CCDC83: variants seen among roughly 807,000 people sequenced by gnomAD.
CCDC83 encodes the protein coiled-coil domain containing 83, also known as coiled-coil domain-containing protein 83.
Under a neutral mutation model 50.1 loss-of-function variants are expected in CCDC83, and 54 were observed. The observed-to-expected ratio is 1.08, with a 90% CI of 0.87 to 1.35. CCDC83 has a LOEUF of 1.35. Among genes scored for constraint, CCDC83 ranks in the 40% most tolerant of loss-of-function variants. The pLI is 0.00. For synonymous variants in CCDC83, 161 were observed against 153.3 expected (o/e 1.05, Z -0.37); for missense variants, 518 against 473.9 (o/e 1.09, Z -0.86).
chr11:85,860,996 GAA>G (rs895822207), intron 1 of CCDC83, among the ~76,000 whole-genome samples: 5 of 99,082 alleles, frequency 5.0e-5, no homozygotes, highest in Admixed American at 9.2e-5. Flanking sequence ...AAATTGTGGG[GAA>G]AAAAAAAAGT....
chr11:85,901,350 A>C (rs973653358), intron 7 of CCDC83, among the ~76,000 whole-genome samples: 1 of 152,118 alleles, frequency 6.6e-6, no homozygotes, highest in Admixed American at 6.5e-5. Context: ...ATGCAGGAGG[A>C]TTGCTTTAGC....
In CCDC83 at chr11:85,911,319, T is replaced by G. The variant is rs1203821833; in HGVS notation, c.711T>G (p.Asn237Lys). The stretch of plus-strand genomic sequence containing the variant: ...GGAAGGAAGTTGAAGAATTAAAAAA[T>G]GCTATTCATGAACTGGAAGCAGAAA... ...IHRKEVEELK[N>K]AIHELEAENL... The change falls in exon 8 of 11, where the codon AAT (asparagine) becomes AAG (lysine). Residue 237 changes from asparagine (N) to lysine (K), a missense_variant. Physicochemically the swap from Asn to Lys is moderately conservative, Grantham distance 94 (BLOSUM62 0). Coordinates refer to ENST00000342404, the MANE Select transcript of CCDC83 (RefSeq NM_001286159.2). 6.2e-7 allele frequency: 1 copy of G among 1,610,802 alleles called. No homozygotes were observed. The highest frequency in any genetic ancestry group is 1.1e-5 in the South Asian group (1 of 90,430).
At position 85,916,253 on chromosome 11, in the gene CCDC83, A is replaced by G. The variant is rs1225731256; in HGVS notation, c.1080+20A>G. Reference sequence around the variant, plus strand: ...TTCAAGGTAAGATTCATAACAACACAACTTTGACTACTAAGAAAATGCTGT... The same window carrying G: ...TTCAAGGTAAGATTCATAACAACACGACTTTGACTACTAAGAAAATGCTGT... On this transcript the variant is annotated intron_variant, in intron 10 of 10. Coordinates refer to ENST00000342404, the MANE Select transcript of CCDC83 (RefSeq NM_001286159.2). The G allele has an allele frequency of 6.7e-6, 10 of 1,484,554 alleles. No individual in the cohort carries two copies. The highest frequency in any genetic ancestry group is 8.4e-6 in the Non-Finnish European group (9 of 1,074,260). 92.0% of individuals were successfully genotyped at this position (1,484,554 alleles called of 1,614,324 possible).
At chr11:85,890,763 A>C (rs2093347461) in intron 5 of CCDC83, among the ~76,000 whole-genome samples, 1 of 152,254 alleles carries the variant, frequency 6.6e-6, no homozygotes, top group African/African-American at 2.4e-5. Context: ...AAATGGCAGC[A>C]GGCCCAAGTT....
At chr11:85,872,342 G>A (rs1177070383) in intron 2 of CCDC83, among the ~76,000 whole-genome samples, 2 of 152,118 alleles carry the variant, frequency 1.3e-5, no homozygotes, top group African/African-American at 2.4e-5. Flanking sequence ...AAAATTAGCC[G>A]GGTGTGGGGG....
At chr11:85,917,790 C>T (rs565478160) in intron 10 of CCDC83, 1 of 152,298 alleles carries the variant, frequency 6.6e-6, no homozygotes, top group East Asian at 1.9e-4. Flanking sequence ...AGCACTGAAA[C>T]ATCTCCATGC....
chr11:85,910,767 C>T (rs981383223), intron 7 of CCDC83, among the ~76,000 whole-genome samples: 2 of 152,188 alleles, frequency 1.3e-5, no homozygotes, highest in Admixed American at 1.3e-4. Context: ...ATGATTTCCA[C>T]CTATTCCTTT....
chr11:85,911,850 A>C (rs979504228), intron 8 of CCDC83, among the ~76,000 whole-genome samples: 3 of 152,180 alleles, frequency 2.0e-5, no homozygotes, highest in Admixed American at 2.0e-4. Flanking sequence ...GAAAGAGTCA[A>C]AACTACTCTG....
intron 4 of CCDC83, among the ~76,000 whole-genome samples, chr11:85,885,879 C>T (rs946643457): frequency 6.6e-6 from 1 of 152,158 alleles, no homozygotes; most frequent in Non-Finnish European, 1.5e-5. Context: ...ATATGATACA[C>T]TGTACAAAAT....
chr11:85,867,139 T>C (rs576250650), intron 2 of CCDC83, among the ~76,000 whole-genome samples: 31 of 152,256 alleles, frequency 2.0e-4, no homozygotes, highest in African/African-American at 7.2e-4. Flanking sequence ...CATTGCAGTA[T>C]CAAACTCCTG....
In CCDC83 at chr11:85,895,263, T is replaced by TC. The variant is rs1554983109; in HGVS notation, c.512-29dup. The TC allele has an allele frequency of 3.5e-6, 3 of 861,376 alleles. No homozygotes were observed. The South Asian group carries it at 5.5e-5, about 16-fold the overall frequency. The allele number at this position is 861,376 out of a possible 1,614,324, so 53.4% of individuals were successfully genotyped here. ...TCATGCTTGATAAGGCTTTTAATTT[T>TC]CTTTTTTTTTTTTTTTTTTTTTTTT... On this transcript the variant is annotated intron_variant, in intron 5 of 10. Coordinates refer to ENST00000342404, the MANE Select transcript of CCDC83 (RefSeq NM_001286159.2).
chr11:85,872,865 G>A (rs2093247080), intron 2 of CCDC83, among the ~76,000 whole-genome samples: 1 of 152,056 alleles, frequency 6.6e-6, no homozygotes. Context: ...CGTCGTTTTT[G>A]TCTAAATGTT....
At chr11:85,891,216 T>G (rs1592166351) in intron 5 of CCDC83, among the ~76,000 whole-genome samples, 1 of 152,220 alleles carries the variant, frequency 6.6e-6, no homozygotes, top group Non-Finnish European at 1.5e-5. Flanking sequence ...GGTGCCATCA[T>G]GCACCTTATC....
At chr11:85,884,661 C>G (rs1456738293) in intron 4 of CCDC83, among the ~76,000 whole-genome samples, 2 of 152,116 alleles carry the variant, frequency 1.3e-5, no homozygotes, top group Non-Finnish European at 2.9e-5. Context: ...AACAAACAAA[C>G]AAAAATCTCT....
In CCDC83 at chr11:85,903,888, G is replaced by A. The variant is rs112967888; in HGVS notation, c.672+4873G>A. Among the ~76,000 whole-genome samples, 108 of 152,084 alleles carry A rather than the reference G, an allele frequency of 7.1e-4. 1 individual carries two copies. The highest frequency in any genetic ancestry group is 2.5e-3 in the African/African-American group (103 of 41,482). On this transcript the variant is annotated intron_variant, in intron 7 of 10. Coordinates refer to ENST00000342404, the MANE Select transcript of CCDC83 (RefSeq NM_001286159.2). ...AGGATGAGGCAGCAGGATCACTTGA[G>A]CCCAGGAGGCGGAGGTTGTAGTGAG...
Position 85,880,246 on chromosome 11 carries a change from T to G in CCDC83, c.181-2267T>G, listed in dbSNP as rs372466343. Among the ~76,000 whole-genome samples, 14 of 152,260 alleles carry G rather than the reference T, an allele frequency of 9.2e-5. No homozygotes were observed. In the East Asian group the frequency reaches 1.5e-3, roughly 17 times the overall value. On this transcript the variant is annotated intron_variant, in intron 3 of 10. Transcript: ENST00000342404. ...TGTCTTCCAATCCATGAACATGATA[T>G]GTTTCTCCATTTATTTAGATCTTGT...
rs10594256 is a variant in CCDC83 at position 85,895,264 on chromosome 11, CTTTTTTT to C, written c.512-11_512-5del. The stretch of plus-strand genomic sequence containing the variant: ...CATGCTTGATAAGGCTTTTAATTTT[CTTTTTTT>C]TTTTTTTTTTTTTTTTTAAAGAACA... On this transcript the variant is annotated intron_variant, in intron 5 of 10. Coordinates refer to ENST00000342404, the MANE Select transcript of CCDC83 (RefSeq NM_001286159.2). 4.1e-4 allele frequency: 150 copies of C among 363,064 alleles called. 1 individual carries two copies. The highest frequency in any genetic ancestry group is 8.1e-4 in the East Asian group (18 of 22,312). 22.5% of individuals were successfully genotyped at this position (363,064 alleles called of 1,614,324 possible).
chr11:85,876,831 AAAGTT>A (rs1483755414), intron 3 of CCDC83, among the ~76,000 whole-genome samples: 2 of 152,236 alleles, frequency 1.3e-5, no homozygotes, highest in Non-Finnish European at 2.9e-5. Context: ...TGAGTCTTAA[AAAGTT>A]AAAAGGGTAA....
In CCDC83 at chr11:85,915,490, C is replaced by T. The variant is rs1307399163; in HGVS notation, c.866C>T (p.Thr289Ile). ...GAAATGTCTTTGGAATTGCCAGAAACACATATAGGTATTACTTTATTGCAA... is the reference window on the plus strand; with the variant it reads ...GAAATGTCTTTGGAATTGCCAGAAATACATATAGGTATTACTTTATTGCAA... ...PEEMSLELPE[T>I]HIEEKSELQP... is the part of the protein sequence containing the mutation. Residue 289 changes from threonine (T) to isoleucine (I), a missense_variant, in exon 9 of 11, where the codon ACA (threonine) becomes ATA (isoleucine). Thr to Ile is a moderately conservative substitution (Grantham distance 89). Coordinates refer to ENST00000342404, the MANE Select transcript of CCDC83 (RefSeq NM_001286159.2). 1 of 1,606,736 alleles carries T rather than the reference C, an allele frequency of 6.2e-7. No homozygotes were observed. The highest frequency in any genetic ancestry group is 8.5e-7 in the Non-Finnish European group (1 of 1,174,410).
Sources: allele counts gnomAD v4.1 joint callset (sites outside exome capture counted in the v4.1 genomes callset), GRCh38; gene constraint gnomAD v4.1.1; transcripts MANE v1.5; gene names NCBI Gene and HGNC (gene_info 2026-07-23, HGNC 2026-07-21).